The following CHN1 variants were observed in gnomAD, a reference collection of about 807,000 sequenced individuals.
CHN1 encodes the protein N-chimaerin.
CHN1 carries 37 observed loss-of-function variants against 59.5 expected under a neutral mutation model. The ratio of observed to expected loss-of-function variants is 0.62; its 90% CI spans 0.48 to 0.82. CHN1 has a LOEUF of 0.82. CHN1 is among the 40% of genes least tolerant of loss of function. The probability of loss-of-function intolerance (pLI) is 0.00; values close to 1 mark genes in which losing one functional copy is unlikely to be tolerated. For missense variants in CHN1, 469 were observed against 571.0 expected, an observed-to-expected ratio of 0.82 and a Z score of 1.82; for synonymous variants, 206 against 200.4, an observed-to-expected ratio of 1.03 and a Z score of -0.24.
rs182480063 is a variant in CHN1, at chr2:174,837,361, A to G, written c.627+9519T>C. The G allele has an allele frequency of 5.3e-5, 8 of 152,312 alleles. No homozygotes were observed. In the East Asian group the frequency reaches 1.5e-3, roughly 29 times the overall value. 9.4% of individuals were successfully genotyped at this position (152,312 alleles called of 1,614,324 possible). A position where few individuals can be genotyped will look rare whatever the true frequency, so the allele number is the denominator to read the frequency against. Reference sequence around the variant, plus strand: ...TCTAAAAAGAGAAACAGAGAATATGATATTTTAGGCCTGATTTGGGCAAAT... The same window carrying G: ...TCTAAAAAGAGAAACAGAGAATATGGTATTTTAGGCCTGATTTGGGCAAAT... On this transcript the variant is annotated intron_variant, in intron 7 of 12. Transcript: ENST00000409900.
At chr2:174,901,970 C>A (rs1487239334) in intron 5 of CHN1, among the ~76,000 whole-genome samples, 1 of 152,006 alleles carries the variant, frequency 6.6e-6, no homozygotes, top group Non-Finnish European at 1.5e-5. Flanking sequence ...TAATACACAG[C>A]TAACTGAAAA....
At chr2:174,935,370 G>A (rs1689466565) in intron 3 of CHN1, among the ~76,000 whole-genome samples, 1 of 152,174 alleles carries the variant, frequency 6.6e-6, no homozygotes, top group South Asian at 2.1e-4. Context: ...ACATGTGACA[G>A]AAAGAACCAG....
chr2:174,943,808 A>G (rs1316921388), intron 3 of CHN1, among the ~76,000 whole-genome samples: 2 of 151,892 alleles, frequency 1.3e-5, no homozygotes, highest in Non-Finnish European at 2.9e-5. Flanking sequence ...GCAAAAATAA[A>G]CTATATCTAC....
chr2:174,921,645 T>C (rs1689019707), intron 3 of CHN1, among the ~76,000 whole-genome samples: 1 of 151,904 alleles, frequency 6.6e-6, no homozygotes, highest in African/African-American at 2.4e-5. Flanking sequence ...TAACTCACAG[T>C]TCCGCATGGC....
chr2:174,928,392 G>A (rs1183883302), intron 3 of CHN1, among the ~76,000 whole-genome samples: 6 of 152,140 alleles, frequency 3.9e-5, no homozygotes, highest in South Asian at 2.1e-4. Flanking sequence ...TCTAACCGTT[G>A]TTTAAAGATA....
intron 1 of CHN1, among the ~76,000 whole-genome samples, chr2:174,968,605 C>A (rs1559002571): frequency 1.3e-5 from 2 of 152,238 alleles, no homozygotes; most frequent in Non-Finnish European, 2.9e-5. Flanking sequence ...TTGATAGGTA[C>A]TTGTTTTTCT....
rs190063732 is a variant in CHN1, at chr2:174,965,142, C to T, written c.20-12940G>A. Among the ~76,000 whole-genome samples, 586 of 152,170 alleles carry T rather than the reference C, an allele frequency of 3.9e-3. 6 individuals are homozygous for T. Among genetic ancestry groups the T allele is most frequent in the African/African-American group, 0.013 (560 of 41,552 alleles). On this transcript the variant is annotated intron_variant, in intron 1 of 12. Coordinates refer to ENST00000409900, the MANE Select transcript of CHN1 (RefSeq NM_001822.7). ...TGACTGATAGGATTAAATTTACTTA[C>T]AAATACCTTAATGTCCTGATTTTTT...
chr2:174,970,538 G>A (rs1434666915), intron 1 of CHN1, among the ~76,000 whole-genome samples: 5 of 152,144 alleles, frequency 3.3e-5, no homozygotes, highest in Admixed American at 6.5e-5. Flanking sequence ...CCATGAGATC[G>A]ATGGTGATAT....
intron 6 of CHN1, among the ~76,000 whole-genome samples, chr2:174,865,837 C>G: frequency 6.6e-6 from 1 of 152,124 alleles, no homozygotes; most frequent in East Asian, 1.9e-4. Context: ...TCGGAAAAAC[C>G]TCTTAAAGGT....
At chr2:174,897,421 G>C (rs771546246) in intron 5 of CHN1, among the ~76,000 whole-genome samples, 3 of 149,074 alleles carry the variant, frequency 2.0e-5, no homozygotes, top group Non-Finnish European at 4.4e-5. Context: ...ATCTCTGTGT[G>C]CTTGTGTGTG....
chr2:174,849,198 T>TAA (rs1686645842), intron 6 of CHN1, among the ~76,000 whole-genome samples: 1 of 152,214 alleles, frequency 6.6e-6, no homozygotes, highest in Non-Finnish European at 1.5e-5. Context: ...GTTCTACAGC[T>TAA]ATAGTTACTA....
chr2:174,829,130 G>GA (rs1558941750), intron 7 of CHN1, among the ~76,000 whole-genome samples: 5 of 151,894 alleles, frequency 3.3e-5, no homozygotes, highest in South Asian at 4.2e-4. Flanking sequence ...TGTGCAACTG[G>GA]AAAAAAAAGA....
At chr2:174,983,461 G>A (rs1341683861) in intron 1 of CHN1, among the ~76,000 whole-genome samples, 1 of 151,886 alleles carries the variant, frequency 6.6e-6, no homozygotes, top group Non-Finnish European at 1.5e-5. Flanking sequence ...ATGAAAACAG[G>A]GATCAGAAAA....
intron 6 of CHN1, among the ~76,000 whole-genome samples, chr2:174,854,204 T>C: frequency 6.6e-6 from 1 of 152,318 alleles, no homozygotes; most frequent in East Asian, 1.9e-4. Flanking sequence ...TGTTTTGTTA[T>C]TATAATTACT....
chr2:174,838,560 G>A (rs968920576), intron 7 of CHN1, among the ~76,000 whole-genome samples: 9 of 152,114 alleles, frequency 5.9e-5, no homozygotes, highest in Non-Finnish European at 1.2e-4. Context: ...ATAAGCAAAA[G>A]AGAATTAAGA....
intron 6 of CHN1, among the ~76,000 whole-genome samples, chr2:174,873,730 C>G (rs903530220): frequency 5.3e-5 from 8 of 152,176 alleles, no homozygotes; most frequent in Non-Finnish European, 8.8e-5. Flanking sequence ...ATACAACACA[C>G]AGTCTGGAGA....
chr2:174,922,723 TA>T (rs528387031), intron 3 of CHN1, among the ~76,000 whole-genome samples: 276 of 146,088 alleles, frequency 1.9e-3, no homozygotes, highest in South Asian at 5.8e-3. Flanking sequence ...CATACATACA[TA>T]AAAAAAAAGA....
intron 1 of CHN1, among the ~76,000 whole-genome samples, chr2:174,971,146 G>A (rs759806705): frequency 2.2e-4 from 33 of 152,010 alleles, no homozygotes; most frequent in African/African-American, 7.7e-4. Context: ...GTGAAACCCC[G>A]TCTCTACTAA....
intron 1 of CHN1, among the ~76,000 whole-genome samples, chr2:174,997,318 C>T (rs1210371298): frequency 6.6e-6 from 1 of 152,170 alleles, no homozygotes; most frequent in East Asian, 1.9e-4. Flanking sequence ...GACATCACCT[C>T]TTACAAGCCT....
Sources: allele counts gnomAD v4.1 joint callset (sites outside exome capture counted in the v4.1 genomes callset), GRCh38; gene constraint gnomAD v4.1.1; transcripts MANE v1.5; gene names NCBI Gene and HGNC (gene_info 2026-07-23, HGNC 2026-07-21).